The following STK32B variants were observed in gnomAD, a reference collection of about 807,000 sequenced individuals.
The protein encoded by STK32B is serine/threonine kinase 32B.
In STK32B, 43 loss-of-function variants were observed where a neutral mutation model predicts 52.6. The ratio of observed to expected loss-of-function variants is 0.82; its 90% CI spans 0.64 to 1.05. The LOEUF is 1.05. Among genes scored for constraint, STK32B ranks in the 50% least tolerant of loss-of-function variants. The probability of loss-of-function intolerance (pLI) is 0.00; values close to 1 mark genes in which losing one functional copy is unlikely to be tolerated. For synonymous variants in STK32B, 238 were observed against 204.3 expected (o/e 1.17, Z -1.41); for missense variants, 621 against 534.6 (o/e 1.16, Z -1.59).
In STK32B at chr4:5,469,548, G is replaced by A. The variant is rs1488025912; in HGVS notation, c.1106+1478G>A. Among the ~76,000 whole-genome samples the A allele has an allele frequency of 6.6e-6, 1 of 152,204 alleles. No individual in the cohort carries two copies. The highest frequency in any genetic ancestry group is 1.5e-5 in the Non-Finnish European group (1 of 68,038). ...AGGGATGGGGCAGGGATGGGTGTTT[G>A]GGTTCCAGCCATGGGCCAGTGGGCA... On this transcript the variant is annotated intron_variant, in intron 11 of 11. Coordinates refer to ENST00000282908, the MANE Select transcript of STK32B (RefSeq NM_018401.3). This position sits in a 1 kb window ranked among gnomAD's most constrained non-coding sequence, Gnocchi z 4.7.
rs999329958 is a variant in STK32B at position 5,174,441 on chromosome 4, GGTT to G, written c.260+5995_260+5997del. On this transcript the variant is annotated intron_variant, in intron 3 of 11. Coordinates refer to ENST00000282908, the MANE Select transcript of STK32B (RefSeq NM_018401.3). ...GCATGTTTTTGCAGTGGCTGATACC[GGTT>G]GTTCTTTTCCATGTTTAGTGCTTCC... Among the ~76,000 whole-genome samples the G allele has an allele frequency of 2.0e-3, 296 of 151,674 alleles. 5 individuals carry two copies. The highest frequency in any genetic ancestry group is 0.017 in the Admixed American group (261 of 15,234).
chr4:5,480,340 C>G (rs1047016008), intron 11 of STK32B, among the ~76,000 whole-genome samples: 1 of 152,060 alleles, frequency 6.6e-6, no homozygotes, highest in South Asian at 2.1e-4. Context: ...CCAAGGTGGT[C>G]GGGGTACAGC....
intron 3 of STK32B, among the ~76,000 whole-genome samples, chr4:5,315,256 A>G (rs540135652): frequency 2.5e-5 from 3 of 120,768 alleles, no homozygotes; most frequent in South Asian, 4.9e-4. Context: ...CAAATTAGCC[A>G]TTAGGGAAAT....
At chr4:5,472,821 T>C (rs1717941834) in intron 11 of STK32B, among the ~76,000 whole-genome samples, 1 of 152,236 alleles carries the variant, frequency 6.6e-6, no homozygotes, top group African/African-American at 2.4e-5. Context: ...TGTGACTTTA[T>C]GGTTTTAGAT....
intron 2 of STK32B, among the ~76,000 whole-genome samples, chr4:5,160,796 T>C (rs1308064839): frequency 6.6e-6 from 1 of 152,142 alleles, no homozygotes; most frequent in African/African-American, 2.4e-5. Context: ...GCAGGAAGCA[T>C]GTCCTGTGAT....
intron 1 of STK32B, among the ~76,000 whole-genome samples, chr4:5,052,405 G>A (rs1313933977): frequency 2.0e-5 from 3 of 152,134 alleles, no homozygotes; most frequent in Non-Finnish European, 2.9e-5. Context: ...CAATCACCCA[G>A]GACAGAGGGA....
rs1188250211 is a variant in STK32B, at chr4:5,469,043, T to G, written c.1106+973T>G. ...TCCAGCCTGGGCGACAGAGCAAGACTCCGTCTCAAAAAAAAAAAAAAAAAT... is the reference window on the plus strand; with the variant it reads ...TCCAGCCTGGGCGACAGAGCAAGACGCCGTCTCAAAAAAAAAAAAAAAAAT... On this transcript the variant is annotated intron_variant, in intron 11 of 11. Transcript: ENST00000282908. The surrounding 1 kb of genome is among the most constrained non-coding windows in gnomAD (Gnocchi z 4.7). Among the ~76,000 whole-genome samples the G allele has an allele frequency of 7.8e-6, 1 of 127,508 alleles. No homozygotes were observed. Among genetic ancestry groups the G allele is most frequent in the East Asian group, 2.1e-4 (1 of 4,836 alleles). 83.7% of individuals were successfully genotyped at this position (127,508 alleles called of 152,430 possible).
intron 2 of STK32B, among the ~76,000 whole-genome samples, chr4:5,153,980 T>A (rs9996427): frequency 0.38 from 58,042 of 152,040 alleles, 12,546 homozygotes; most frequent in Non-Finnish European, 0.49. Flanking sequence ...TATAGTTATC[T>A]ATACTAGATT....
intron 4 of STK32B, among the ~76,000 whole-genome samples, chr4:5,340,864 C>T (rs886102920): frequency 6.6e-6 from 1 of 152,154 alleles, no homozygotes; most frequent in Non-Finnish European, 1.5e-5. Context: ...TAGACACACT[C>T]ACATACATGC....
At chr4:5,050,326 C>T (rs1741711962), upstream of STK32B, among the ~76,000 whole-genome samples, 1 of 152,174 alleles carries the variant, frequency 6.6e-6, no homozygotes, top group Admixed American at 6.5e-5. Flanking sequence ...GACACATTGC[C>T]AGTAAATGGT....
chr4:5,344,007 C>T (rs1454675043), intron 4 of STK32B, among the ~76,000 whole-genome samples: 1 of 152,074 alleles, frequency 6.6e-6, no homozygotes, highest in Non-Finnish European at 1.5e-5. Flanking sequence ...AGCAAATGAA[C>T]AATGAAGGCT....
At chr4:5,205,694 G>GCA (rs374516582) in intron 3 of STK32B, among the ~76,000 whole-genome samples, 3 of 35,854 alleles carry the variant, frequency 8.4e-5, no homozygotes, top group African/African-American at 7.3e-5. Context: ...TCTAGACCAG[G>GCA]CGCGCGCGCG....
At chr4:5,221,645 G>A (rs1577209167) in intron 3 of STK32B, among the ~76,000 whole-genome samples, 1 of 152,064 alleles carries the variant, frequency 6.6e-6, no homozygotes, top group African/African-American at 2.4e-5. Flanking sequence ...AAAAATTCAG[G>A]TGTTGTTTGA....
At chr4:5,214,022 A>G (rs112563584) in intron 3 of STK32B, among the ~76,000 whole-genome samples, 13 of 152,024 alleles carry the variant, frequency 8.6e-5, no homozygotes, top group African/African-American at 2.9e-4. Context: ...TGTGCATGGT[A>G]TGAGGTTCTG....
At position 5,499,226 on chromosome 4, in the gene STK32B, T is replaced by G; in HGVS notation, c.*143T>G. ...GCCCTGGACTTGGAGCTGGGAAGCC[T>G]GGGTTCTGGTCCCATCTCCATGACT... On this transcript the variant is annotated 3_prime_UTR_variant, in exon 12 of 12. Transcript: ENST00000282908. The G allele has an allele frequency of 8.2e-7, 1 of 1,226,322 alleles. No individual in the cohort carries two copies. The highest frequency in any genetic ancestry group is 1.1e-6 in the Non-Finnish European group (1 of 915,482). 76.0% of individuals were successfully genotyped at this position (1,226,322 alleles called of 1,614,324 possible).
At chr4:5,087,574 T>TAGA (rs1356602269) in intron 1 of STK32B, among the ~76,000 whole-genome samples, 1 of 151,728 alleles carries the variant, frequency 6.6e-6, no homozygotes, top group African/African-American at 2.4e-5. Flanking sequence ...GGACAAATAA[T>TAGA]TTGATAGATA....
Position 5,455,193 on chromosome 4 carries a change from T to G in STK32B, c.667-1614T>G, listed in dbSNP as rs1409961506. Among the ~76,000 whole-genome samples the G allele has an allele frequency of 2.0e-5, 3 of 152,212 alleles. No homozygotes were observed. The East Asian group carries it at 5.8e-4, about 29-fold the overall frequency. On this transcript the variant is annotated intron_variant, in intron 7 of 11. Transcript: ENST00000282908. ...GGTGTCCCTTCACTCCAGGGAACTG[T>G]AGCCCTACCAAGGATCGGGACCCCT...
At chr4:5,329,078 C>G (rs775830143) in intron 3 of STK32B, among the ~76,000 whole-genome samples, 1 of 152,194 alleles carries the variant, frequency 6.6e-6, no homozygotes, top group African/African-American at 2.4e-5. Context: ...TGCCTTGAAA[C>G]TGTGACAGGA....
At chr4:5,182,450 T>G (rs950137923) in intron 3 of STK32B, among the ~76,000 whole-genome samples, 2 of 151,974 alleles carry the variant, frequency 1.3e-5, no homozygotes, top group Non-Finnish European at 2.9e-5. Context: ...TTACAAAATG[T>G]CCTTTTTTTT....
Sources: gnomAD v4.1 joint callset for allele counts (sites outside exome capture counted in the v4.1 genomes callset) on GRCh38, gnomAD v4.1.1 for gene constraint, Gnocchi (gnomAD v3.1) non-coding constraint, MANE v1.5 for transcripts, NCBI Gene and HGNC (gene_info 2026-07-23, HGNC 2026-07-21) for gene names.